Variants in KCNG3 observed in about 807,000 individuals in gnomAD.
KCNG3 encodes the protein voltage-gated potassium channel regulatory subunit KCNG3.
In KCNG3, 15 loss-of-function variants were observed where a neutral mutation model predicts 29.0. That is an observed-to-expected ratio of 0.52 (90% CI 0.35 to 0.80). The LOEUF (loss-of-function observed/expected upper bound fraction) is 0.80, where lower values mean the gene tolerates loss of function less well. Ranked by LOEUF, KCNG3 falls within the 30% of genes least tolerant of loss-of-function variation. The pLI, the probability that KCNG3 is intolerant of heterozygous loss-of-function variation, is 0.01. For synonymous variants in KCNG3, 322 were observed against 248.9 expected (o/e 1.29, Z -2.76); for missense variants, 512 against 605.7 (o/e 0.85, Z 1.62).
intron 1 of KCNG3, among the ~76,000 whole-genome samples, chr2:42,458,270 C>A (rs1016110372): frequency 2.6e-5 from 4 of 152,176 alleles, no homozygotes; most frequent in African/African-American, 9.7e-5. Context: ...TCCGTCGGAT[C>A]TCTTTTCCTG....
downstream of KCNG3, among the ~76,000 whole-genome samples, chr2:42,439,672 G>A (rs528536832): frequency 4.6e-5 from 7 of 150,570 alleles, no homozygotes; most frequent in South Asian, 1.5e-3. Context: ...TTGAGACGGA[G>A]TTTCACTTTT....
At chr2:42,428,447 A>C in the KCNG3 span, among the ~76,000 whole-genome samples, 8 of 127,760 alleles carry the variant, frequency 6.3e-5, no homozygotes, top group Admixed American at 1.7e-4. Flanking sequence ...GGTGAGAGAG[A>C]CCCGGTCTCG....
At chr2:42,424,947 A>G in the KCNG3 span, 3 of 152,258 alleles carry the variant, frequency 2.0e-5, no homozygotes, top group African/African-American at 7.2e-5. Flanking sequence ...AAGTCCTTGC[A>G]TCCACCCCTG....
At chr2:42,398,011 CAGG>C in the KCNG3 span, among the ~76,000 whole-genome samples, 1 of 152,020 alleles carries the variant, frequency 6.6e-6, no homozygotes, top group African/African-American at 2.4e-5. Flanking sequence ...AGCACGAGGT[CAGG>C]AGATCGAGAC....
chr2:42,423,478 C>T, the KCNG3 span, among the ~76,000 whole-genome samples: 2 of 152,242 alleles, frequency 1.3e-5, no homozygotes, highest in Admixed American at 1.3e-4. Context: ...ACACTCTCTT[C>T]TCTCTGCACT....
intron 1 of KCNG3, among the ~76,000 whole-genome samples, chr2:42,451,135 G>A (rs1356494474): frequency 7.1e-6 from 1 of 141,248 alleles, no homozygotes; most frequent in Non-Finnish European, 1.5e-5. Context: ...AACCTGAAAG[G>A]CAGAGGTCGC....
chr2:42,425,618 A>G, the KCNG3 span, among the ~76,000 whole-genome samples: 1 of 152,150 alleles, frequency 6.6e-6, no homozygotes. Flanking sequence ...ATAATTTCCA[A>G]GATTTTTGAT....
the KCNG3 span, among the ~76,000 whole-genome samples, chr2:42,405,032 A>G: frequency 6.6e-6 from 1 of 152,198 alleles, no homozygotes; most frequent in Non-Finnish European, 1.5e-5. Context: ...TCTTCCAACC[A>G]AATCTCACAC....
intron 1 of KCNG3, among the ~76,000 whole-genome samples, chr2:42,475,223 G>C (rs1673393441): frequency 6.6e-6 from 1 of 152,074 alleles, no homozygotes; most frequent in Non-Finnish European, 1.5e-5. Flanking sequence ...TACTTGAGAG[G>C]CTGAGGCAGG....
the KCNG3 span, among the ~76,000 whole-genome samples, chr2:42,392,404 A>T: frequency 6.6e-6 from 1 of 152,076 alleles, no homozygotes; most frequent in Non-Finnish European, 1.5e-5. Context: ...GGGAGTGGGT[A>T]ATGCCAGGGG....
chr2:42,475,103 T>TA (rs1370007213), intron 1 of KCNG3, among the ~76,000 whole-genome samples: 2 of 152,234 alleles, frequency 1.3e-5, no homozygotes, highest in Non-Finnish European at 2.9e-5. Flanking sequence ...TATATTTTGA[T>TA]ACTTGAAATT....
At chr2:42,427,318 T>A in the KCNG3 span, among the ~76,000 whole-genome samples, 2 of 152,192 alleles carry the variant, frequency 1.3e-5, no homozygotes, top group African/African-American at 4.8e-5. Flanking sequence ...TAAAAATGTT[T>A]CCTGACAGGG....
At chr2:42,418,486 G>C in the KCNG3 span, among the ~76,000 whole-genome samples, 5 of 152,064 alleles carry the variant, frequency 3.3e-5, no homozygotes, top group African/African-American at 1.2e-4. Flanking sequence ...GTTCAATCTG[G>C]AATGAGGAAA....
At chr2:42,394,328 C>T in the KCNG3 span, among the ~76,000 whole-genome samples, 3 of 152,160 alleles carry the variant, frequency 2.0e-5, no homozygotes, top group African/African-American at 7.2e-5. Flanking sequence ...GCACAGCAAA[C>T]AGCCTAAGGG....
the KCNG3 span, among the ~76,000 whole-genome samples, chr2:42,423,408 T>C: frequency 6.6e-6 from 1 of 152,338 alleles, no homozygotes; most frequent in South Asian, 2.1e-4. Context: ...GCCCACCTTC[T>C]TGGCTGGCAC....
At chr2:42,478,509 G>C (rs1198963350) in intron 1 of KCNG3, among the ~76,000 whole-genome samples, 1 of 152,014 alleles carries the variant, frequency 6.6e-6, no homozygotes, top group Non-Finnish European at 1.5e-5. Context: ...AGGATTACAG[G>C]TCTGAGTCAC....
At position 42,492,983 on chromosome 2, in the gene KCNG3, C is replaced by T; in HGVS notation, c.519G>A (p.Leu173=). The stretch of plus-strand genomic sequence containing the variant: ...TCACGAACACCACCGACACGCTAGC[C>T]AGGATCTGCGCGGCCAGCGACGACG... ...EPTSSLAAQI[L]ASVSVVFVIV... is the part of the protein sequence containing the mutation. The change falls in exon 1 of 2, where the codon CTG becomes CTA. Residue 173 remains leucine (L), a synonymous_variant. Transcript: ENST00000306078. 1.3e-6 allele frequency: 2 copies of T among 1,546,494 alleles called. No individual in the cohort carries two copies. The highest frequency in any genetic ancestry group is 2.5e-5 in the East Asian group (1 of 40,324).
downstream of KCNG3, among the ~76,000 whole-genome samples, chr2:42,441,159 C>G (rs974126430): frequency 3.3e-5 from 5 of 152,046 alleles, no homozygotes; most frequent in African/African-American, 1.2e-4. Flanking sequence ...GGTGGGAGGA[C>G]TGCTTGAGGC....
chr2:42,488,707 G>A (rs1295808295), intron 1 of KCNG3, among the ~76,000 whole-genome samples: 2 of 151,900 alleles, frequency 1.3e-5, no homozygotes, highest in African/African-American at 4.8e-5. Flanking sequence ...CCACCACCAC[G>A]CTCAGCTAAT....
Sources: allele counts gnomAD v4.1 joint callset (sites outside exome capture counted in the v4.1 genomes callset), GRCh38; gene constraint gnomAD v4.1.1; transcripts MANE v1.5; gene names NCBI Gene and HGNC (gene_info 2026-07-23, HGNC 2026-07-21).